TRPC4: variants seen among roughly 807,000 people sequenced by gnomAD.
The protein encoded by TRPC4 is short transient receptor potential channel 4.
A neutral mutation model predicts 99.4 loss-of-function variants in TRPC4; 49 were observed. That is an observed-to-expected ratio of 0.49 (90% CI 0.39 to 0.63). The LOEUF is 0.63. Among genes scored for constraint, TRPC4 ranks in the 20% least tolerant of loss-of-function variants. The pLI is 0.00. For missense variants in TRPC4, 898 were observed against 1,152.9 expected, an observed-to-expected ratio of 0.78 and a Z score of 3.20; for synonymous variants, 454 against 425.9, an observed-to-expected ratio of 1.07 and a Z score of -0.81.
chr13:37,697,779 T>G (rs1319050659), intron 3 of TRPC4, among the ~76,000 whole-genome samples: 4 of 152,198 alleles, frequency 2.6e-5, no homozygotes, highest in Admixed American at 6.5e-5. Flanking sequence ...TTCCTATGAA[T>G]GTTAAAACTT....
intron 1 of TRPC4, among the ~76,000 whole-genome samples, chr13:37,824,960 G>C (rs1306051983): frequency 6.6e-6 from 1 of 151,968 alleles, no homozygotes; most frequent in African/African-American, 2.4e-5. Flanking sequence ...TCCTGTTATT[G>C]GTCTATTCAG....
At chr13:37,756,913 A>T (rs1956111840) in intron 2 of TRPC4, among the ~76,000 whole-genome samples, 1 of 152,046 alleles carries the variant, frequency 6.6e-6, no homozygotes, top group African/African-American at 2.4e-5. Context: ...CTTAAAAGAA[A>T]TTCGGCACGA....
At position 37,679,103 on chromosome 13, in the gene TRPC4, T is replaced by G. The variant is rs1052927558; in HGVS notation, c.1235-4736A>C. ...TTTGATCAAGGGCATTTATAAAAATTTATAACTACTTTTCTGTAAAGGGCC... is the reference window on the plus strand; with the variant it reads ...TTTGATCAAGGGCATTTATAAAAATGTATAACTACTTTTCTGTAAAGGGCC... On this transcript the variant is annotated intron_variant, in intron 4 of 10. Coordinates refer to ENST00000379705, the MANE Select transcript of TRPC4 (RefSeq NM_016179.4). Among the ~76,000 whole-genome samples the G allele has an allele frequency of 3.3e-5, 5 of 152,208 alleles. No individual in the cohort carries two copies. In the South Asian group the frequency reaches 8.3e-4, roughly 25 times the overall value.
At position 37,692,126 on chromosome 13, in the gene TRPC4, G is replaced by A; in HGVS notation, c.1107C>T (p.His369=). ...IRKPFIKFIC[H]TASYLTFLFL... is the part of the protein sequence containing the mutation. The stretch of plus-strand genomic sequence containing the variant: ...ACAAAAAAGTCAAATAGGAGGCTGT[G>A]TGGCAGATAAACTTGATAAATGGCT... The change falls in exon 4 of 11, where the codon CAC becomes CAT. Residue 369 remains histidine (H), a synonymous_variant. Coordinates refer to ENST00000379705, the MANE Select transcript of TRPC4 (RefSeq NM_016179.4). The A allele has an allele frequency of 1.9e-6, 3 of 1,614,190 alleles. No individual in the cohort carries two copies. Among genetic ancestry groups the A allele is most frequent in the Non-Finnish European group, 2.5e-6 (3 of 1,180,028 alleles).
At chr13:37,639,441 A>T in intron 8 of TRPC4, 142 bp from the exon 9 acceptor site, 1 of 747,100 alleles carries the variant, frequency 1.3e-6, no homozygotes, top group Non-Finnish European at 2.1e-6. Context: ...ATGGCTAAAG[A>T]GTGCTGCACA....
intron 3 of TRPC4, among the ~76,000 whole-genome samples, chr13:37,724,760 T>C (rs532861911): frequency 7.2e-5 from 11 of 152,326 alleles, no homozygotes; most frequent in African/African-American, 2.6e-4. Flanking sequence ...AACTGTGGCT[T>C]CACTTTTTCA....
chr13:37,845,961 T>C (rs1463917071), intron 1 of TRPC4, among the ~76,000 whole-genome samples: 6 of 152,168 alleles, frequency 3.9e-5, no homozygotes, highest in Non-Finnish European at 8.8e-5. Context: ...AGGCACAATA[T>C]GGCTTTTGGC....
intron 3 of TRPC4, among the ~76,000 whole-genome samples, chr13:37,703,175 T>G (rs1954157760): frequency 6.6e-6 from 1 of 152,178 alleles, no homozygotes; most frequent in Admixed American, 6.5e-5. Context: ...TTGCGCTTGG[T>G]TTCATCACGT....
intron 1 of TRPC4, among the ~76,000 whole-genome samples, chr13:37,849,072 T>C (rs140444298): frequency 8.3e-4 from 127 of 152,280 alleles, no homozygotes; most frequent in African/African-American, 2.7e-3. Flanking sequence ...TGCCAGGACC[T>C]AGATTCCCAC....
In TRPC4 at chr13:37,853,561, T is replaced by G. The variant is rs184413175; in HGVS notation, c.-28+16034A>C. Among the ~76,000 whole-genome samples, 151 of 152,142 alleles carry G rather than the reference T, an allele frequency of 9.9e-4. 1 individual carries two copies. Among genetic ancestry groups the G allele is most frequent in the Non-Finnish European group, 5.7e-4 (39 of 68,000 alleles). ...AAGAATATGCAGGAAAATATATGAC[T>G]TCAACAAATGAAATAAATAAGTCAC... On this transcript the variant is annotated intron_variant, in intron 1 of 10. Transcript: ENST00000379705.
At chr13:37,839,559 G>A (rs1364364182) in intron 1 of TRPC4, among the ~76,000 whole-genome samples, 1 of 152,078 alleles carries the variant, frequency 6.6e-6, no homozygotes, top group Non-Finnish European at 1.5e-5. Flanking sequence ...ATATTATCCT[G>A]TCATTTAATG....
intron 2 of TRPC4, among the ~76,000 whole-genome samples, chr13:37,752,804 AT>A (rs1593661146): frequency 6.6e-6 from 1 of 152,118 alleles, no homozygotes; most frequent in South Asian, 2.1e-4. Flanking sequence ...AACAAAAAAA[AT>A]AAAGAAGATA....
intron 1 of TRPC4, among the ~76,000 whole-genome samples, chr13:37,831,502 C>T (rs150851194): frequency 6.6e-6 from 1 of 152,190 alleles, no homozygotes; most frequent in African/African-American, 2.4e-5. Context: ...AATGGAATCA[C>T]CATAAGATCC....
intron 1 of TRPC4, among the ~76,000 whole-genome samples, chr13:37,791,545 T>C (rs1311943959): frequency 6.6e-6 from 1 of 152,144 alleles, no homozygotes; most frequent in Non-Finnish European, 1.5e-5. Context: ...CATATCTGTA[T>C]GTCAAGATTT....
intron 5 of TRPC4, among the ~76,000 whole-genome samples, chr13:37,667,641 C>T (rs1489327442): frequency 1.3e-5 from 2 of 152,128 alleles, no homozygotes; most frequent in Non-Finnish European, 2.9e-5. Context: ...CCCAACCAGC[C>T]CATGTCACAT....
intron 1 of TRPC4, among the ~76,000 whole-genome samples, chr13:37,834,103 G>A (rs1958495758): frequency 6.6e-6 from 1 of 152,122 alleles, no homozygotes; most frequent in Admixed American, 6.6e-5. Context: ...TGCAATATGA[G>A]TTCATGCCAA....
At chr13:37,753,596 AG>A (rs1956008208) in intron 2 of TRPC4, among the ~76,000 whole-genome samples, 4 of 140,940 alleles carry the variant, frequency 2.8e-5, no homozygotes, top group African/African-American at 9.9e-5. Context: ...AGAGAGAGAG[AG>A]AGAGAGAGAG....
intron 10 of TRPC4, 49 bp downstream of exon 10, chr13:37,638,991 T>A: frequency 6.3e-7 from 1 of 1,576,572 alleles, no homozygotes; most frequent in Non-Finnish European, 8.7e-7. Context: ...TCTATCTGGA[T>A]CCATATTCTG....
intron 2 of TRPC4, among the ~76,000 whole-genome samples, chr13:37,764,296 T>C (rs997897452): frequency 6.6e-6 from 1 of 151,344 alleles, no homozygotes; most frequent in Non-Finnish European, 1.5e-5. Flanking sequence ...TTTTTATAAG[T>C]ATATATTATA....
Sources: gnomAD v4.1 joint callset for allele counts (sites outside exome capture counted in the v4.1 genomes callset) on GRCh38, gnomAD v4.1.1 for gene constraint, MANE v1.5 for transcripts, NCBI Gene and HGNC (gene_info 2026-07-23, HGNC 2026-07-21) for gene names.